The following MCTP2 variants were observed in gnomAD, a reference collection of about 807,000 sequenced individuals.
The protein encoded by MCTP2 is multiple C2 and transmembrane domain-containing protein 2.
In MCTP2, 132 loss-of-function variants were observed where a neutral mutation model predicts 111.6. The observed-to-expected ratio is 1.18, with a 90% CI of 1.03 to 1.37. The LOEUF is 1.37. Among genes scored for constraint, MCTP2 ranks in the 40% most tolerant of loss-of-function variants. The pLI, the probability that MCTP2 is intolerant of heterozygous loss-of-function variation, is 0.00. For missense variants in MCTP2, 1,183 were observed against 1,067.9 expected, an observed-to-expected ratio of 1.11 and a Z score of -1.50; for synonymous variants, 395 against 387.7, an observed-to-expected ratio of 1.02 and a Z score of -0.22.
At chr15:94,324,785 T>A (rs1229169257) in intron 4 of MCTP2, among the ~76,000 whole-genome samples, 1 of 152,218 alleles carries the variant, frequency 6.6e-6, no homozygotes, top group African/African-American at 2.4e-5. Flanking sequence ...TTTACTATTA[T>A]TAAATAATTG....
chr15:94,295,723 A>G (rs539898269), intron 1 of MCTP2, among the ~76,000 whole-genome samples: 118 of 152,104 alleles, frequency 7.8e-4, no homozygotes, highest in African/African-American at 2.7e-3. Context: ...TTTTTAGTTC[A>G]TCAAAATGTT....
intron 14 of MCTP2, among the ~76,000 whole-genome samples, chr15:94,391,815 G>T (rs1177445155): frequency 6.6e-6 from 1 of 152,182 alleles, no homozygotes; most frequent in Non-Finnish European, 1.5e-5. Flanking sequence ...GAGAAAGAAT[G>T]ACTGTAGGAG....
At chr15:94,462,990 A>G (rs1236332762) in intron 20 of MCTP2, among the ~76,000 whole-genome samples, 1 of 152,200 alleles carries the variant, frequency 6.6e-6, no homozygotes, top group African/African-American at 2.4e-5. Flanking sequence ...CTTCTAAACC[A>G]TTTTAACACT....
intron 14 of MCTP2, among the ~76,000 whole-genome samples, chr15:94,391,795 C>T (rs1596560347): frequency 6.6e-6 from 1 of 152,160 alleles, no homozygotes; most frequent in Non-Finnish European, 1.5e-5. Flanking sequence ...TTAGAACAGA[C>T]AGGCTAAGAG....
chr15:94,478,912 T>A, intron 22 of MCTP2, 54 bp from the exon 23 acceptor site: 1 of 1,532,788 alleles, frequency 6.5e-7, no homozygotes, highest in Non-Finnish European at 9.0e-7. Flanking sequence ...TAGCACACAC[T>A]GTGGCGAGCT....
At chr15:94,446,796 C>G (rs1273318485) in intron 19 of MCTP2, among the ~76,000 whole-genome samples, 1 of 152,196 alleles carries the variant, frequency 6.6e-6, no homozygotes, top group Non-Finnish European at 1.5e-5. Context: ...TTGTCAGAAA[C>G]AGGACTTGAA....
intron 4 of MCTP2, among the ~76,000 whole-genome samples, chr15:94,325,883 G>A (rs1412123745): frequency 7.2e-6 from 1 of 139,574 alleles, no homozygotes; most frequent in Non-Finnish European, 1.5e-5. Context: ...ACAGTGGCGC[G>A]ATCTCGGCTC....
chr15:94,348,304 A>G (rs1263589696), intron 8 of MCTP2, among the ~76,000 whole-genome samples: 6 of 150,286 alleles, frequency 4.0e-5, no homozygotes, highest in African/African-American at 1.5e-4. Flanking sequence ...GAAGACAGTC[A>G]TAGCATTTGG....
intron 16 of MCTP2, among the ~76,000 whole-genome samples, chr15:94,401,554 TTC>T (rs146118270): frequency 2.1e-4 from 32 of 150,456 alleles, no homozygotes; most frequent in Non-Finnish European, 2.4e-4. Flanking sequence ...CTCTTTCTAG[TTC>T]TCTCTCTCTC....
At chr15:94,276,539 A>T (rs75623428) in intron 1 of MCTP2, among the ~76,000 whole-genome samples, 1,756 of 151,950 alleles carry the variant, frequency 0.012, 37 homozygotes, top group African/African-American at 0.039. Flanking sequence ...ACATGACTCA[A>T]CCTAAACAAA....
rs1452927067 is a variant in MCTP2 at position 94,243,879 on chromosome 15, TTATG to T, written c.-66+12218_-66+12221del. 5.5e-3 allele frequency among the ~76,000 whole-genome samples: 808 copies of T among 147,964 alleles called. 4 individuals are homozygous for T. The highest frequency in any genetic ancestry group is 8.6e-3 in the Non-Finnish European group (573 of 66,388). ...TATACACATACATATGTGTATATAT[TTATG>T]TACACATATATGTATACACATACAT... On this transcript the variant is annotated intron_variant, in intron 1 of 22. Transcript: ENST00000357742.
chr15:94,446,609 TTC>T (rs1337499224), intron 19 of MCTP2, among the ~76,000 whole-genome samples: 2 of 152,174 alleles, frequency 1.3e-5, no homozygotes, highest in Non-Finnish European at 2.9e-5. Flanking sequence ...GCACTAGAGT[TTC>T]TTTCTTTTTC....
intron 17 of MCTP2, among the ~76,000 whole-genome samples, chr15:94,429,367 T>C (rs1223660131): frequency 6.6e-6 from 1 of 152,174 alleles, no homozygotes; most frequent in African/African-American, 2.4e-5. Context: ...CTCTTCATTG[T>C]AATAAACCCT....
Position 94,359,020 on chromosome 15 carries a change from A to G in MCTP2, c.1301+408A>G, listed in dbSNP as rs192613067. Among the ~76,000 whole-genome samples, 16 of 152,300 alleles carry G rather than the reference A, an allele frequency of 1.1e-4. No individual in the cohort carries two copies. The East Asian group carries it at 3.1e-3, about 29-fold the overall frequency. ...CGCTGTCCTTGATGTACTTTATAGC[A>G]CACCAAGGAATGGAGTTTGAGGCCA... On this transcript the variant is annotated intron_variant, in intron 10 of 22. Transcript: ENST00000357742.
upstream of MCTP2, chr15:94,231,473 C>A (rs1389948463): frequency 4.6e-4 from 1 of 2,156 alleles, no homozygotes; most frequent in African/African-American, 2.3e-3. Flanking sequence ...GCGGCCGCCT[C>A]CTCCCCTTTA....
intron 1 of MCTP2, among the ~76,000 whole-genome samples, chr15:94,245,664 G>A (rs993608252): frequency 6.9e-6 from 1 of 144,970 alleles, no homozygotes; most frequent in Non-Finnish European, 1.5e-5. Context: ...ATATGTAAAT[G>A]TGTATATACA....
At chr15:94,471,859 A>G (rs568185123) in intron 21 of MCTP2, among the ~76,000 whole-genome samples, 7 of 152,114 alleles carry the variant, frequency 4.6e-5, no homozygotes, top group Non-Finnish European at 7.4e-5. Context: ...CGTGCGTACT[A>G]CTATCTTGTT....
intron 1 of MCTP2, among the ~76,000 whole-genome samples, chr15:94,240,361 CCT>C (rs1181281031): frequency 2.0e-5 from 3 of 152,216 alleles, no homozygotes; most frequent in Non-Finnish European, 2.9e-5. Flanking sequence ...ACTTTCTACC[CCT>C]GTTATTTGAT....
intron 14 of MCTP2, among the ~76,000 whole-genome samples, chr15:94,398,359 A>G (rs2081383398): frequency 6.6e-6 from 1 of 152,248 alleles, no homozygotes; most frequent in Non-Finnish European, 1.5e-5. Context: ...TTCAAAGAGA[A>G]TACAGGGTTC....
Sources: gnomAD v4.1 joint callset for allele counts (sites outside exome capture counted in the v4.1 genomes callset) on GRCh38, gnomAD v4.1.1 for gene constraint, MANE v1.5 for transcripts, NCBI Gene and HGNC (gene_info 2026-07-23, HGNC 2026-07-21) for gene names.